The following IWS1 variants were observed in gnomAD, a reference collection of about 807,000 sequenced individuals.
IWS1 encodes interacts with SUPT6H, CTD assembly factor 1, also known as protein IWS1 homolog.
In IWS1, 27 loss-of-function variants were observed where a neutral mutation model predicts 86.7. The observed-to-expected ratio is 0.31, with a 90% CI of 0.23 to 0.43. IWS1 has a LOEUF of 0.43. IWS1 is among the 20% of genes least tolerant of loss of function. The pLI is 1.00. For synonymous variants in IWS1, 313 were observed against 335.1 expected (o/e 0.93, Z 0.72); for missense variants, 827 against 1,000.8 (o/e 0.83, Z 2.34).
intron 2 of IWS1, among the ~76,000 whole-genome samples, chr2:127,508,913 A>G (rs1691291491): frequency 6.6e-6 from 1 of 152,220 alleles, no homozygotes; most frequent in Non-Finnish European, 1.5e-5. Flanking sequence ...CTCACCCGCT[A>G]CACTCTACCC....
At chr2:127,521,658 A>G (rs1472761930) in intron 2 of IWS1, among the ~76,000 whole-genome samples, 1 of 152,248 alleles carries the variant, frequency 6.6e-6, no homozygotes, top group Non-Finnish European at 1.5e-5. Flanking sequence ...TATCTCATGT[A>G]ATTTACTGAA....
chr2:127,519,714 G>A (rs1384991930), intron 2 of IWS1, among the ~76,000 whole-genome samples: 1 of 152,170 alleles, frequency 6.6e-6, no homozygotes, highest in African/African-American at 2.4e-5. Context: ...AAGGGACTGT[G>A]CAAATGTAAT....
chr2:127,526,033 G>A, intron 1 of IWS1, 142 bp downstream of exon 1: 2 of 726,162 alleles, frequency 2.8e-6, no homozygotes, highest in African/African-American at 1.8e-5. Flanking sequence ...CAGCTGGTCA[G>A]AGGGCTCTTG....
In IWS1 at chr2:127,489,635, A is replaced by G. The variant is rs1690117080; in HGVS notation, c.2159+197T>C. ...CCTGTTCCAACAAACTGACCCAGAA[A>G]GGTCTGGTTAGGAGGACAGGACCCT... On this transcript the variant is annotated intron_variant, in intron 11 of 13. Transcript: ENST00000295321. The surrounding 1 kb of genome is among the most constrained non-coding windows in gnomAD (Gnocchi z 4.8). 1 of 554,736 alleles carries G rather than the reference A, an allele frequency of 1.8e-6. No individual in the cohort carries two copies. Among genetic ancestry groups the G allele is most frequent in the Non-Finnish European group, 3.2e-6 (1 of 314,202 alleles). 34.4% of individuals were successfully genotyped at this position (554,736 alleles called of 1,614,324 possible).
At chr2:127,501,602 T>C (rs531168064) in intron 5 of IWS1, 2 of 152,336 alleles carry the variant, frequency 1.3e-5, no homozygotes, top group South Asian at 4.1e-4. Context: ...TAATACTGTA[T>C]CTTGAAGCTT....
Position 127,523,803 on chromosome 2 carries a change from C to G in IWS1, c.35-12G>C, listed in dbSNP as rs747071189. ...AGCACCACCATCATCTGATTAAAAA[C>G]AAAACAAAAACCAACTTATGGTGTA... On this transcript the variant is annotated splice_polypyrimidine_tract_variant and intron_variant, in intron 1 of 13. Transcript: ENST00000295321. The G allele has an allele frequency of 1.3e-6, 2 of 1,589,408 alleles. No individual in the cohort carries two copies. The highest frequency in any genetic ancestry group is 2.3e-5 in the South Asian group (2 of 88,828).
At chr2:127,509,380 T>C (rs1691319930) in intron 2 of IWS1, among the ~76,000 whole-genome samples, 2 of 152,064 alleles carry the variant, frequency 1.3e-5, no homozygotes, top group East Asian at 1.9e-4. Context: ...GTAAAAGAAA[T>C]TGAGCACTCA....
chr2:127,519,611 C>T (rs538947873), intron 2 of IWS1, among the ~76,000 whole-genome samples: 1 of 151,918 alleles, frequency 6.6e-6, no homozygotes, highest in Non-Finnish European at 1.5e-5. Flanking sequence ...GAAAATTATG[C>T]TGTGAGTACC....
intron 3 of IWS1, 58 bp downstream of exon 3, chr2:127,504,626 G>T: frequency 8.2e-7 from 1 of 1,216,878 alleles, no homozygotes; most frequent in Admixed American, 2.2e-5. Context: ...ATGTTCCACA[G>T]TTACAAGCTT....
chr2:127,524,455 TGCTGGGATTAC>T (rs1692274780), intron 1 of IWS1, among the ~76,000 whole-genome samples: 1 of 152,060 alleles, frequency 6.6e-6, no homozygotes, highest in African/African-American at 2.4e-5. Context: ...CCTCCTAAAG[TGCTGGGATTAC>T]ACCCAGCCCC....
chr2:127,504,410 A>T (rs921883262), intron 3 of IWS1, among the ~76,000 whole-genome samples: 21 of 131,138 alleles, frequency 1.6e-4, no homozygotes, highest in South Asian at 2.2e-4. Flanking sequence ...TTCCAGTTTT[A>T]AAAAAAAAAA....
intron 9 of IWS1, 128 bp downstream of exon 9, chr2:127,493,153 T>A: frequency 1.2e-6 from 1 of 837,294 alleles, no homozygotes. Context: ...ATGTTCCTTT[T>A]TTCCAACCCC....
chr2:127,504,362 G>A (rs762742695), intron 3 of IWS1, among the ~76,000 whole-genome samples: 1 of 151,914 alleles, frequency 6.6e-6, no homozygotes, highest in Non-Finnish European at 1.5e-5. Flanking sequence ...TACAGTTAGG[G>A]GTTTTTATGT....
In IWS1 at chr2:127,505,166, C is replaced by A. The variant is rs751306531; in HGVS notation, c.737G>T (p.Arg246Leu). 9 of 1,611,520 alleles carry A rather than the reference C, an allele frequency of 5.6e-6. No individual in the cohort carries two copies. Among genetic ancestry groups the A allele is most frequent in the Non-Finnish European group, 7.6e-6 (9 of 1,178,358 alleles). The stretch of plus-strand genomic sequence containing the variant: ...GTCCTCACTTTCTGAGTCACTGATA[C>A]GAGGTTTGGGAAGCTCCTCATTTTC... ...DSENEELPKPRISDSESEDPP... is the reference protein window; with the variant it reads ...DSENEELPKPLISDSESEDPP... Residue 246 changes from arginine (R) to leucine (L), a missense_variant, in exon 3 of 14, where the codon CGT becomes CTT. Around this residue, in one of 2 missense-constraint regions of IWS1, gnomAD observed 548 missense variants for 560.2 expected, o/e 0.98. Coordinates refer to ENST00000295321, the MANE Select transcript of IWS1 (RefSeq NM_017969.3). This position sits in a 1 kb window ranked among gnomAD's most constrained non-coding sequence, Gnocchi z 5.0.
At position 127,489,761 on chromosome 2, in the gene IWS1, T is replaced by G; in HGVS notation, c.2159+71A>C. 1 of 846,504 alleles carries G rather than the reference T, an allele frequency of 1.2e-6. No individual in the cohort carries two copies. Among genetic ancestry groups the G allele is most frequent in the Non-Finnish European group, 2.1e-6 (1 of 487,000 alleles). The allele number at this position is 846,504 out of a possible 1,614,324, so 52.4% of individuals were successfully genotyped here. On this transcript the variant is annotated intron_variant, in intron 11 of 13. Coordinates refer to ENST00000295321, the MANE Select transcript of IWS1 (RefSeq NM_017969.3). This position sits in a 1 kb window ranked among gnomAD's most constrained non-coding sequence, Gnocchi z 4.8. ...TCCTATCATCTTGCAGGCTTCCTAA[T>G]GATCTTACTTAAAACTGAGTTACTG...
intron 13 of IWS1, among the ~76,000 whole-genome samples, chr2:127,483,600 T>TGGGGGGGG (rs1558736829): frequency 3.4e-4 from 2 of 5,880 alleles, no homozygotes; most frequent in Admixed American, 2.8e-3. Flanking sequence ...GTGGGGGGGT[T>TGGGGGGGG]GGGCTGTGTG....
chr2:127,527,005 G>C, upstream of IWS1: 2 of 234,250 alleles, frequency 8.5e-6, no homozygotes, highest in Non-Finnish European at 1.8e-5. Flanking sequence ...AAGCCATTTA[G>C]CCAACAGTAA....
chr2:127,493,351 A>T lies in IWS1; in HGVS notation c.1859T>A (p.Leu620His). Residue 620 changes from leucine (L) to histidine (H), a missense_variant, in exon 9 of 14, where the codon CTC (leucine) becomes CAC (histidine). Physicochemically the swap from Leu to His is moderately conservative, Grantham distance 99 (BLOSUM62 -3). Around this residue, in one of 2 missense-constraint regions of IWS1, gnomAD observed 279 missense variants for 440.6 expected, o/e 0.63. Coordinates refer to ENST00000295321, the MANE Select transcript of IWS1 (RefSeq NM_017969.3). The stretch of plus-strand genomic sequence containing the variant: ...CAAACTCCTATCTGGTAGAGGTGAG[A>T]GCCATTCTTTGATGGCAGACATCAC... ...SGVMSAIKEWLSPLPDRSLPA... is the reference protein window; with the variant it reads ...SGVMSAIKEWHSPLPDRSLPA... 6.2e-7 allele frequency: 1 copy of T among 1,613,682 alleles called. No individual in the cohort carries two copies. Among genetic ancestry groups the T allele is most frequent in the Non-Finnish European group, 8.5e-7 (1 of 1,179,796 alleles).
intron 2 of IWS1, among the ~76,000 whole-genome samples, chr2:127,522,278 C>T (rs1692140704): frequency 6.6e-6 from 1 of 152,152 alleles, no homozygotes; most frequent in South Asian, 2.1e-4. Flanking sequence ...CTTTGCCTCC[C>T]TTCACACCTT....
Sources: allele counts gnomAD v4.1 joint callset (sites outside exome capture counted in the v4.1 genomes callset), GRCh38; gene constraint gnomAD v4.1.1; regional missense constraint gnomAD v4.1.1; non-coding constraint Gnocchi (gnomAD v3.1); transcripts MANE v1.5; gene names NCBI Gene and HGNC (gene_info 2026-07-23, HGNC 2026-07-21).